The following SFI1 variants were observed in gnomAD, a reference collection of about 807,000 sequenced individuals.
SFI1 encodes the protein protein SFI1 homolog.
A neutral mutation model predicts 207.5 loss-of-function variants in SFI1; 195 were observed. The ratio of observed to expected loss-of-function variants is 0.94; its 90% CI spans 0.84 to 1.06. SFI1 has a LOEUF of 1.06. SFI1 is among the 50% of genes least tolerant of loss of function. The pLI is 0.00. For missense variants in SFI1, 1,634 were observed against 1,588.0 expected (o/e 1.03, Z -0.49); for synonymous variants, 630 against 598.9 (o/e 1.05, Z -0.76).
intron 12 of SFI1, 131 bp downstream of exon 12, chr22:31,580,495 G>A: frequency 1.9e-6 from 1 of 512,984 alleles, no homozygotes; most frequent in South Asian, 2.7e-5. Flanking sequence ...TGTCCAGACT[G>A]TCAACTGTAA....
At chr22:31,609,040 C>T (rs2069584279) in intron 22 of SFI1, among the ~76,000 whole-genome samples, 1 of 151,876 alleles carries the variant, frequency 6.6e-6, no homozygotes, top group Non-Finnish European at 1.5e-5. Context: ...CTCTGTCTCC[C>T]AGGCTGGAGT....
intron 11 of SFI1, among the ~76,000 whole-genome samples, chr22:31,579,005 T>A (rs1439628998): frequency 6.6e-6 from 1 of 152,204 alleles, no homozygotes; most frequent in East Asian, 1.9e-4. Context: ...ATTATTATTT[T>A]TTAGAGATGC....
rs747112860 is a variant in SFI1 at position 31,531,080 on chromosome 22, T to A, written c.289T>A (p.Tyr97Asn). 6.2e-7 allele frequency: 1 copy of A among 1,613,530 alleles called. No homozygotes were observed. Among genetic ancestry groups the A allele is most frequent in the South Asian group, 1.1e-5 (1 of 90,894 alleles). Residue 97 changes from tyrosine (Y) to asparagine (N), a missense_variant, in exon 4 of 33, where the codon TAT (tyrosine) becomes AAT (asparagine). By Grantham distance (143) the Tyr-to-Asn change is moderately radical (BLOSUM62 -2). Transcript: ENST00000400288. Reference sequence around the variant, plus strand: ...CAGATGCGTGGCCAGAAAGTTCTTATATTTATGGATTCGAATGACTTTTGG... The same window carrying A: ...CAGATGCGTGGCCAGAAAGTTCTTAAATTTATGGATTCGAATGACTTTTGG... ...RIRCVARKFL[Y>N]LWIRMTFGRV... is the part of the protein sequence containing the mutation.
Position 31,613,160 on chromosome 22 carries a change from G to A in SFI1, c.2509G>A (p.Glu837Lys), listed in dbSNP as rs747232912. ...GCCCTAGCTGGCAGCCAGGAGGCAGGAGCAGCGGGCGACAGTGCGGGCCCT... is the reference window on the plus strand; with the variant it reads ...GCCCTAGCTGGCAGCCAGGAGGCAGAAGCAGCGGGCGACAGTGCGGGCCCT... ...WRQQLAARRQEQRATVRALWF... is the reference protein window; with the variant it reads ...WRQQLAARRQKQRATVRALWF... Residue 837 changes from glutamate (E) to lysine (K), a missense_variant, in exon 25 of 33, where the codon GAG becomes AAG. Coordinates refer to ENST00000400288, the MANE Select transcript of SFI1 (RefSeq NM_001007467.3). 3.7e-6 allele frequency: 6 copies of A among 1,613,550 alleles called. No individual in the cohort carries two copies. In the East Asian group the frequency reaches 6.7e-5, roughly 18 times the overall value.
Position 31,594,559 on chromosome 22 carries a change from AAAAG to A in SFI1, c.1544+4986_1544+4989del, listed in dbSNP as rs1435188467. Among the ~76,000 whole-genome samples, 1,117 of 122,782 alleles carry A rather than the reference AAAAG, an allele frequency of 9.1e-3. 51 individuals are homozygous for A. Among genetic ancestry groups the A allele is most frequent in the African/African-American group, 0.023 (744 of 31,954 alleles). 80.5% of individuals were successfully genotyped at this position (122,782 alleles called of 152,430 possible). ...CGAGACGCCGTCTCAAAAAAAAAAA[AAAAG>A]AAAAGAAAAAGGCCGGGCCTGGTGG... On this transcript the variant is annotated intron_variant, in intron 15 of 32. Transcript: ENST00000400288.
intron 21 of SFI1, among the ~76,000 whole-genome samples, chr22:31,607,205 G>A (rs2069179202): frequency 6.6e-6 from 1 of 152,206 alleles, no homozygotes; most frequent in Non-Finnish European, 1.5e-5. Flanking sequence ...ACAGCTCGCA[G>A]AGCAGGCACC....
intron 4 of SFI1, among the ~76,000 whole-genome samples, chr22:31,531,547 G>A (rs2147399236): frequency 6.6e-6 from 1 of 151,900 alleles, no homozygotes; most frequent in East Asian, 1.9e-4. Flanking sequence ...ATCATCTGAG[G>A]TTAGGAGTTC....
At chr22:31,549,388 C>T (rs966562318) in intron 5 of SFI1, among the ~76,000 whole-genome samples, 1 of 149,224 alleles carries the variant, frequency 6.7e-6, no homozygotes. Context: ...CTCGGTGTCA[C>T]CCGGGCTGGA....
intron 22 of SFI1, among the ~76,000 whole-genome samples, chr22:31,609,767 T>A (rs2069738539): frequency 6.6e-6 from 1 of 152,226 alleles, no homozygotes; most frequent in Admixed American, 6.5e-5. Context: ...GTTTCTAGTT[T>A]ACGAAGAAAG....
chr22:31,609,970 T>A (rs988720686), intron 22 of SFI1, among the ~76,000 whole-genome samples: 1 of 152,172 alleles, frequency 6.6e-6, no homozygotes, highest in Non-Finnish European at 1.5e-5. Context: ...AAGCCGCTGC[T>A]CTCTGAAGGA....
chr22:31,615,728 G>A (rs2071314753), intron 29 of SFI1: 1 of 159,738 alleles, frequency 6.3e-6, no homozygotes, highest in Non-Finnish European at 1.4e-5. Context: ...GGTTGCCACA[G>A]AGGGGACAGG....
At chr22:31,615,726 C>G (rs181637476) in intron 29 of SFI1, 1 of 159,868 alleles carries the variant, frequency 6.3e-6, no homozygotes, top group East Asian at 1.8e-4. Flanking sequence ...GCGGTTGCCA[C>G]AGAGGGGACA....
chr22:31,594,004 GACA>G, intron 15 of SFI1, among the ~76,000 whole-genome samples: 2 of 81,528 alleles, frequency 2.5e-5, no homozygotes, highest in Non-Finnish European at 5.5e-5. Flanking sequence ...GAGGGAGAGG[GACA>G]GGGAGAGGGA....
rs747142526 is a variant in SFI1 at position 31,573,074 on chromosome 22, G to A, written c.782G>A (p.Arg261Gln). Reference protein sequence around the residue: ...SLQVQAWSQWREQLLYVQKEK... With the variant: ...SLQVQAWSQWQEQLLYVQKEK... ...GGTTTTCAGGCTTGGTCACAGTGGC[G>A]GGAACAGCTCCTGTATGTCCAGAAG... is the stretch of plus-strand genomic sequence containing the variant. Residue 261 changes from arginine (R) to glutamine (Q), a missense_variant, in exon 9 of 33, where the codon CGG (arginine) becomes CAG (glutamine). Transcript: ENST00000400288. 3.7e-6 allele frequency: 6 copies of A among 1,603,092 alleles called. No homozygotes were observed. Among genetic ancestry groups the A allele is most frequent in the Admixed American group, 1.7e-5 (1 of 59,476 alleles).
intron 27 of SFI1, chr22:31,614,098 C>T: frequency 1.9e-6 from 1 of 527,196 alleles, no homozygotes; most frequent in Non-Finnish European, 3.3e-6. Context: ...AAATAGGTGT[C>T]CCCTCCTCTG....
At chr22:31,583,255 A>G (rs1808385090) in intron 12 of SFI1, among the ~76,000 whole-genome samples, 1 of 152,148 alleles carries the variant, frequency 6.6e-6, no homozygotes, top group Admixed American at 6.6e-5. Flanking sequence ...CTGGGTTTAC[A>G]GGCATGTGCC....
intron 2 of SFI1, among the ~76,000 whole-genome samples, chr22:31,525,829 T>C (rs1450796376): frequency 6.6e-6 from 1 of 152,214 alleles, no homozygotes; most frequent in Admixed American, 6.6e-5. Flanking sequence ...TCTGTTTTTA[T>C]GCCAGTACCA....
At chr22:31,497,406 G>A (rs1032665168) in intron 1 of SFI1, 1 of 152,150 alleles carries the variant, frequency 6.6e-6, no homozygotes, top group East Asian at 1.9e-4. Context: ...AGTGATCTGT[G>A]ATCAGTGATC....
At chr22:31,540,228 A>AT (rs1406628762) in intron 4 of SFI1, among the ~76,000 whole-genome samples, 1 of 149,000 alleles carries the variant, frequency 6.7e-6, no homozygotes, top group Admixed American at 6.7e-5. Flanking sequence ...TAATTTTTTA[A>AT]TTTTTTAATT....
Sources: gnomAD v4.1 joint callset for allele counts (sites outside exome capture counted in the v4.1 genomes callset) on GRCh38, gnomAD v4.1.1 for gene constraint, MANE v1.5 for transcripts, NCBI Gene and HGNC (gene_info 2026-07-23, HGNC 2026-07-21) for gene names.